Variants in TMTC2 observed in about 807,000 individuals in gnomAD.
TMTC2 encodes the protein transmembrane O-mannosyltransferase targeting cadherins 2.
TMTC2 carries 43 observed loss-of-function variants against 82.4 expected under a neutral mutation model. The observed-to-expected ratio is 0.52, with a 90% CI of 0.41 to 0.67. The LOEUF (loss-of-function observed/expected upper bound fraction) is 0.67, where lower values mean the gene tolerates loss of function less well. Among genes scored for constraint, TMTC2 ranks in the 30% least tolerant of loss-of-function variants. The pLI is 0.00. For synonymous variants in TMTC2, 408 were observed against 381.9 expected, an observed-to-expected ratio of 1.07 and a Z score of -0.80; for missense variants, 919 against 1,012.4, an observed-to-expected ratio of 0.91 and a Z score of 1.25.
At chr12:82,832,823 C>T (rs888164619) in intron 1 of TMTC2, among the ~76,000 whole-genome samples, 2 of 152,130 alleles carry the variant, frequency 1.3e-5, no homozygotes, top group Non-Finnish European at 1.5e-5. Context: ...GAAAAAGGGA[C>T]GGAAGACAAA....
intron 3 of TMTC2, among the ~76,000 whole-genome samples, chr12:82,927,436 G>A (rs1875783617): frequency 6.6e-6 from 1 of 152,184 alleles, no homozygotes; most frequent in South Asian, 2.1e-4. Context: ...AGCAAAGAAA[G>A]TGGTTTCTTG....
chr12:82,771,606 T>G (rs1216932074), intron 1 of TMTC2, among the ~76,000 whole-genome samples: 1 of 152,172 alleles, frequency 6.6e-6, no homozygotes, highest in East Asian at 1.9e-4. Context: ...TAAATAATGG[T>G]ATAACTAGAT....
At chr12:82,892,630 G>A (rs1703097) in intron 2 of TMTC2, among the ~76,000 whole-genome samples, 24,567 of 152,120 alleles carry the variant, frequency 0.16, 4,430 homozygotes, top group African/African-American at 0.45. Context: ...CCTCCTTCGT[G>A]TGGCTCTCCT....
chr12:82,738,822 G>A (rs373566632), intron 1 of TMTC2, among the ~76,000 whole-genome samples: 1 of 152,056 alleles, frequency 6.6e-6, no homozygotes, highest in Non-Finnish European at 1.5e-5. Flanking sequence ...TTAGTAAAAT[G>A]TTATTTAATA....
At chr12:83,061,201 G>A (rs993772147) in intron 10 of TMTC2, among the ~76,000 whole-genome samples, 1 of 151,774 alleles carries the variant, frequency 6.6e-6, no homozygotes, top group Non-Finnish European at 1.5e-5. Context: ...TTTAGCTGAG[G>A]TTAAGTCATG....
intron 9 of TMTC2, among the ~76,000 whole-genome samples, chr12:83,040,661 CT>C (rs1309281087): frequency 1.3e-5 from 2 of 149,674 alleles, no homozygotes; most frequent in Non-Finnish European, 3.0e-5. Flanking sequence ...GGTCAATCAA[CT>C]TTTTTTCTGT....
At position 82,814,443 on chromosome 12, in the gene TMTC2, AAGATT is replaced by A. The variant is rs768603809; in HGVS notation, c.84-42563_84-42559del. ...ATGTTGAGGAATACAAGATAGGAAA[AAGATT>A]AGAGACAGATTGTGGCAGACATCAA... On this transcript the variant is annotated intron_variant, in intron 1 of 11. Transcript: ENST00000321196. Among the ~76,000 whole-genome samples the A allele has an allele frequency of 1.2e-3, 178 of 152,262 alleles. 2 individuals are homozygous for A. Among genetic ancestry groups the A allele is most frequent in the Non-Finnish European group, 6.9e-4 (47 of 68,018 alleles).
At chr12:82,997,384 G>GTA (rs774148150) in intron 8 of TMTC2, among the ~76,000 whole-genome samples, 7,657 of 29,542 alleles carry the variant, frequency 0.26, 859 homozygotes, top group African/African-American at 0.31. Flanking sequence ...ATATATATGT[G>GTA]TATATATATA....
chr12:82,718,602 A>G (rs1032804645), intron 1 of TMTC2, among the ~76,000 whole-genome samples: 1 of 152,186 alleles, frequency 6.6e-6, no homozygotes, highest in Non-Finnish European at 1.5e-5. Flanking sequence ...CTGAATACTA[A>G]GCCTGAACTC....
chr12:82,711,681 A>G (rs551183675), intron 1 of TMTC2, among the ~76,000 whole-genome samples: 2 of 152,344 alleles, frequency 1.3e-5, no homozygotes, highest in African/African-American at 2.4e-5. Context: ...CAGATGGACA[A>G]TCTGAGAAGT....
chr12:82,952,685 A>G (rs1877409807), intron 4 of TMTC2, among the ~76,000 whole-genome samples: 1 of 152,074 alleles, frequency 6.6e-6, no homozygotes, highest in Non-Finnish European at 1.5e-5. Flanking sequence ...AGCTGGAACT[A>G]CAAGCGCATG....
chr12:82,887,277 G>A (rs985392812), intron 2 of TMTC2, among the ~76,000 whole-genome samples: 7 of 152,148 alleles, frequency 4.6e-5, no homozygotes, highest in African/African-American at 1.7e-4. Flanking sequence ...TCTGAGATCA[G>A]AAGACAATAT....
intron 1 of TMTC2, among the ~76,000 whole-genome samples, chr12:82,749,842 A>G (rs1243356353): frequency 6.6e-6 from 1 of 151,354 alleles, no homozygotes; most frequent in Non-Finnish European, 1.5e-5. Context: ...GGTTCAAGCA[A>G]TTCTCCTGCC....
At chr12:83,015,674 GT>G (rs2137394354) in intron 8 of TMTC2, among the ~76,000 whole-genome samples, 2 of 152,260 alleles carry the variant, frequency 1.3e-5, no homozygotes, top group Admixed American at 1.3e-4. Context: ...TTTCCTGTAA[GT>G]GGCCCACATT....
Position 82,857,180 on chromosome 12 carries a change from G to A in TMTC2, c.254G>A (p.Trp85Ter), listed in dbSNP as rs1871300814. 2 of 1,613,940 alleles carry A rather than the reference G, an allele frequency of 1.2e-6. No homozygotes were observed. Among genetic ancestry groups the A allele is most frequent in the Non-Finnish European group, 1.7e-6 (2 of 1,180,024 alleles). Residue 85 changes from tryptophan to a stop codon, truncating the protein, a stop_gained, in exon 2 of 12, where the codon TGG (tryptophan) becomes TAG (stop). Transcript: ENST00000321196. LOFTEE classifies it high-confidence loss of function. ...CATGCCATTGGAGGGTTGAATCCCT[G>A]GAGCTACCATCTTGTCAATGTCCTG... ...LNHAIGGLNP[W>*]SYHLVNVLLH... is the part of the protein sequence containing the mutation.
At chr12:83,000,714 A>G (rs114816662) in intron 8 of TMTC2, among the ~76,000 whole-genome samples, 10,780 of 152,170 alleles carry the variant, frequency 0.071, 524 homozygotes, top group African/African-American at 0.13. Flanking sequence ...TGGGGACTCT[A>G]TGGGGACTCT....
intron 1 of TMTC2, among the ~76,000 whole-genome samples, chr12:82,787,480 G>C (rs1384644110): frequency 2.0e-5 from 3 of 152,104 alleles, no homozygotes; most frequent in African/African-American, 7.2e-5. Context: ...AACTTTTTCA[G>C]ACAGTTGCTT....
intron 1 of TMTC2, among the ~76,000 whole-genome samples, chr12:82,740,065 A>G (rs370117649): frequency 7.2e-5 from 11 of 152,158 alleles, no homozygotes; most frequent in African/African-American, 2.7e-4. Flanking sequence ...TGCACTTCCT[A>G]CTATCAATTG....
chr12:82,917,025 CA>C (rs1875040450), intron 3 of TMTC2, among the ~76,000 whole-genome samples: 1 of 152,060 alleles, frequency 6.6e-6, no homozygotes, highest in African/African-American at 2.4e-5. Flanking sequence ...ATAATTTCTT[CA>C]GAAAAAATAA....
Sources: gnomAD v4.1 joint callset for allele counts (sites outside exome capture counted in the v4.1 genomes callset) on GRCh38, gnomAD v4.1.1 for gene constraint, MANE v1.5 for transcripts, NCBI Gene and HGNC (gene_info 2026-07-23, HGNC 2026-07-21) for gene names.